MRPL45: variants seen among roughly 807,000 people sequenced by gnomAD.
The protein encoded by MRPL45 is large ribosomal subunit protein mL45.
A neutral mutation model predicts 38.1 loss-of-function variants in MRPL45; 20 were observed. That is an observed-to-expected ratio of 0.53 (90% confidence interval 0.37 to 0.76). The LOEUF is 0.76. MRPL45 is among the 30% of genes least tolerant of loss of function. The probability of loss-of-function intolerance (pLI) is 0.00; values close to 1 mark genes in which losing one functional copy is unlikely to be tolerated. For missense variants in MRPL45, 337 were observed against 395.6 expected, an observed-to-expected ratio of 0.85 and a Z score of 1.26; for synonymous variants, 105 against 128.8, an observed-to-expected ratio of 0.82 and a Z score of 1.25.
intron 4 of MRPL45, among the ~76,000 whole-genome samples, chr17:38,309,542 G>C (rs900160828): frequency 2.8e-5 from 1 of 35,264 alleles, no homozygotes; most frequent in Non-Finnish European, 1.0e-4. Flanking sequence ...AAAAAAAAAA[G>C]ATTTTTTTTC....
chr17:38,315,975 C>CT (rs1375606326), intron 4 of MRPL45, among the ~76,000 whole-genome samples: 4 of 151,354 alleles, frequency 2.6e-5, no homozygotes, highest in African/African-American at 9.7e-5. Context: ...GGGTTTCACC[C>CT]TGTTGACCAG....
chr17:38,306,617 C>T lies in MRPL45; in HGVS notation c.447C>T (p.His149=), dbSNP rs1241710357. Residue 149 remains histidine (H), a synonymous_variant, in exon 4 of 8, where the codon CAC becomes CAT. Coordinates refer to ENST00000613675, the MANE Select transcript of MRPL45 (RefSeq NM_032351.6). ...CTAAGGATATCTTTATTGAAGCTCA[C>T]CTTTGTCTAAATAAGTAAGTGAACT... ...EKAKDIFIEA[H]LCLNNSDHDR... is the part of the protein sequence containing the mutation. 7 of 1,613,412 alleles carry T rather than the reference C, an allele frequency of 4.3e-6. No individual in the cohort carries two copies. The highest frequency in any genetic ancestry group is 4.2e-6 in the Non-Finnish European group (5 of 1,179,842).
chr17:38,313,327 TATATAC>T (rs1465337818), intron 4 of MRPL45, among the ~76,000 whole-genome samples: 249 of 16,836 alleles, frequency 0.015, 9 homozygotes, highest in Non-Finnish European at 0.018. Flanking sequence ...TATATATATA[TATATAC>T]ATATATATAT....
chr17:38,322,604 A>T lies in MRPL45; in HGVS notation c.*9A>T. On this transcript the variant is annotated 3_prime_UTR_variant, in exon 8 of 8. Coordinates refer to ENST00000613675, the MANE Select transcript of MRPL45 (RefSeq NM_032351.6). ...AGCCTCAGCTAGCCTGATGACAAAAATGACTTCTAGGGTGAAGCCTGGGTG... is the reference window on the plus strand; with the variant it reads ...AGCCTCAGCTAGCCTGATGACAAAATTGACTTCTAGGGTGAAGCCTGGGTG... 1 of 1,609,338 alleles carries T rather than the reference A, an allele frequency of 6.2e-7. No individual in the cohort carries two copies. Among genetic ancestry groups the T allele is most frequent in the Non-Finnish European group, 8.5e-7 (1 of 1,177,262 alleles).
At chr17:38,305,995 A>G (rs1056503627) in intron 3 of MRPL45, among the ~76,000 whole-genome samples, 25 of 152,068 alleles carry the variant, frequency 1.6e-4, no homozygotes, top group Non-Finnish European at 3.5e-4. Context: ...TTTTTAGTGC[A>G]TATCAGATGT....
At chr17:38,297,891 A>G (rs2036952815) in intron 1 of MRPL45, among the ~76,000 whole-genome samples, 2 of 152,142 alleles carry the variant, frequency 1.3e-5, no homozygotes, top group African/African-American at 2.4e-5. Flanking sequence ...TGAGCCCAGG[A>G]GTTCGAAATG....
chr17:38,299,743 T>A (rs1205904036), intron 3 of MRPL45, among the ~76,000 whole-genome samples: 2 of 151,734 alleles, frequency 1.3e-5, no homozygotes, highest in Admixed American at 6.6e-5. Context: ...ATATTTAATT[T>A]TTTTTTTTTT....
Position 38,320,654 on chromosome 17 carries a change from T to G in MRPL45, c.547T>G (p.Trp183Gly), listed in dbSNP as rs1484482014. The G allele has an allele frequency of 6.2e-7, 1 of 1,614,082 alleles. No individual in the cohort carries two copies. The highest frequency in any genetic ancestry group is 8.5e-7 in the Non-Finnish European group (1 of 1,180,054). Reference sequence around the variant, plus strand: ...GGACATCAAATATAAGACCGTCCGCTGGAGCTTTGTGGAATCTTTAGAGCC... The same window carrying G: ...GGACATCAAATATAAGACCGTCCGCGGGAGCTTTGTGGAATCTTTAGAGCC... ...TWDIKYKTVR[W>G]SFVESLEPSH... The change falls in exon 6 of 8, where the codon TGG becomes GGG. Residue 183 changes from tryptophan (W) to glycine (G), a missense_variant. Around this residue, in one of 3 missense-constraint regions of MRPL45, gnomAD observed 251 missense variants for 269.1 expected, o/e 0.93. Coordinates refer to ENST00000613675, the MANE Select transcript of MRPL45 (RefSeq NM_032351.6).
At chr17:38,310,631 G>A (rs1301509859) in intron 4 of MRPL45, among the ~76,000 whole-genome samples, 5 of 151,620 alleles carry the variant, frequency 3.3e-5, no homozygotes, top group Non-Finnish European at 1.5e-5. Context: ...ACCTGGCCTT[G>A]TTTTTGGTTT....
At chr17:38,299,830 G>A (rs2036974556) in intron 3 of MRPL45, among the ~76,000 whole-genome samples, 1 of 151,634 alleles carries the variant, frequency 6.6e-6, no homozygotes, top group South Asian at 2.1e-4. Context: ...TCCGCCTCCT[G>A]GATTCAAATG....
intron 3 of MRPL45, among the ~76,000 whole-genome samples, chr17:38,300,717 T>C (rs2036985537): frequency 6.6e-6 from 1 of 151,888 alleles, no homozygotes; most frequent in South Asian, 2.1e-4. Context: ...GAGGCTGAGG[T>C]GGGCGGATCA....
chr17:38,297,710 T>A (rs1414871903), intron 1 of MRPL45, among the ~76,000 whole-genome samples: 3 of 152,266 alleles, frequency 2.0e-5, no homozygotes, highest in East Asian at 3.9e-4. Flanking sequence ...AACGACAGAA[T>A]AAAGTTTACA....
chr17:38,310,541 C>A (rs1381776780), intron 4 of MRPL45, among the ~76,000 whole-genome samples: 3 of 152,128 alleles, frequency 2.0e-5, no homozygotes, highest in Non-Finnish European at 4.4e-5. Flanking sequence ...ATTGGTCAGG[C>A]TGGTCTCGAA....
chr17:38,301,489 C>G (rs1264929470), intron 3 of MRPL45, among the ~76,000 whole-genome samples: 1 of 152,178 alleles, frequency 6.6e-6, no homozygotes, highest in African/African-American at 2.4e-5. Context: ...ATCCGCCAGA[C>G]TCAGGCCTCC....
intron 4 of MRPL45, among the ~76,000 whole-genome samples, chr17:38,313,793 G>C (rs2144228661): frequency 6.6e-6 from 1 of 151,544 alleles, no homozygotes; most frequent in South Asian, 2.1e-4. Flanking sequence ...CTCCCGAGTA[G>C]CTGGGATTAC....
intron 3 of MRPL45, among the ~76,000 whole-genome samples, chr17:38,304,905 G>GGT (rs2037036179): frequency 6.7e-6 from 1 of 149,876 alleles, no homozygotes; most frequent in African/African-American, 2.5e-5. Context: ...GGAGTGCAGT[G>GGT]GCAGGATCTC....
intron 5 of MRPL45, among the ~76,000 whole-genome samples, chr17:38,319,420 C>T (rs971895079): frequency 2.6e-5 from 4 of 152,090 alleles, no homozygotes; most frequent in Admixed American, 6.6e-5. Flanking sequence ...CCGCCCGCCT[C>T]GGCCTCCCAA....
At chr17:38,318,159 G>T (rs2037192842) in intron 4 of MRPL45, among the ~76,000 whole-genome samples, 1 of 134,692 alleles carries the variant, frequency 7.4e-6, no homozygotes, top group Admixed American at 8.7e-5. Context: ...AGTGAGCCGA[G>T]ATCGCGCCAC....
intron 1 of MRPL45, 77 bp downstream of exon 1, chr17:38,297,326 T>C (rs528881602): frequency 1.4e-6 from 2 of 1,386,482 alleles, no homozygotes; most frequent in African/African-American, 1.4e-5. Context: ...CTCTGTGCAA[T>C]TGTCCTTGGT....
Sources: gnomAD v4.1 joint callset for allele counts (sites outside exome capture counted in the v4.1 genomes callset) on GRCh38, gnomAD v4.1.1 for gene constraint, gnomAD v4.1.1 regional missense constraint, MANE v1.5 for transcripts, NCBI Gene and HGNC (gene_info 2026-07-23, HGNC 2026-07-21) for gene names.